The following PKHD1L1 variants were observed in gnomAD, a reference collection of about 807,000 sequenced individuals.
PKHD1L1 encodes the protein fibrocystin-L.
In PKHD1L1, 434 loss-of-function variants were observed where a neutral mutation model predicts 462.9. That is an observed-to-expected ratio of 0.94 (90% confidence interval 0.87 to 1.02). The LOEUF (loss-of-function observed/expected upper bound fraction) is 1.02. PKHD1L1 is among the 50% of genes least tolerant of loss of function. The pLI, the probability that PKHD1L1 is intolerant of heterozygous loss-of-function variation, is 0.00. For synonymous variants in PKHD1L1, 1,781 were observed against 1,750.0 expected, an observed-to-expected ratio of 1.02 and a Z score of -0.44; for missense variants, 5,202 against 5,096.1, an observed-to-expected ratio of 1.02 and a Z score of -0.63.
intron 76 of PKHD1L1, among the ~76,000 whole-genome samples, chr8:109,525,752 A>AT (rs1820785073): frequency 6.6e-6 from 1 of 152,192 alleles, no homozygotes; most frequent in East Asian, 1.9e-4. Context: ...AAAAATTCAG[A>AT]TTTTTTAATG....
At chr8:109,389,236 T>G (rs755272369) in intron 8 of PKHD1L1, 84 bp downstream of exon 8, 13 of 1,036,590 alleles carry the variant, frequency 1.3e-5, no homozygotes, top group Middle Eastern at 2.1e-4. Flanking sequence ...ACCTCCCTCC[T>G]CTGCCCTTTT....
At chr8:109,482,389 A>G (rs932615194) in intron 56 of PKHD1L1, among the ~76,000 whole-genome samples, 7 of 151,842 alleles carry the variant, frequency 4.6e-5, no homozygotes, top group Non-Finnish European at 8.8e-5. Flanking sequence ...TGAAGAAAAC[A>G]TATCTGTAAA....
At chr8:109,402,396 C>T (rs13263469) in intron 14 of PKHD1L1, among the ~76,000 whole-genome samples, 1 of 152,162 alleles carries the variant, frequency 6.6e-6, no homozygotes, top group Non-Finnish European at 1.5e-5. Context: ...ACCTAGAATG[C>T]CTCACTCCAT....
At chr8:109,368,491 T>A (rs1001786962) in intron 2 of PKHD1L1, among the ~76,000 whole-genome samples, 2 of 152,244 alleles carry the variant, frequency 1.3e-5, no homozygotes, top group Non-Finnish European at 2.9e-5. Flanking sequence ...TTATAAATAG[T>A]ATAAATTCTA....
At chr8:109,385,232 C>T (rs1586402794) in intron 5 of PKHD1L1, among the ~76,000 whole-genome samples, 1 of 149,146 alleles carries the variant, frequency 6.7e-6, no homozygotes, top group Non-Finnish European at 1.5e-5. Context: ...ATTTCTCTTA[C>T]TTTTTGGTAC....
chr8:109,483,062 CA>C lies in PKHD1L1; in HGVS notation c.9534del (p.Gly3179ValfsTer7), dbSNP rs754284187. ...ACTAAGCTCTCAGAAACTGCATTTG[CA>C]GGTTCCAAAGTCCTGTCTCTGATGG... ...YKTKLSETAF[A>X]GSKVLSLMDA... On this transcript the variant is annotated frameshift_variant, in exon 57 of 78. Coordinates refer to ENST00000378402, the MANE Select transcript of PKHD1L1 (RefSeq NM_177531.6). LOFTEE classifies it high-confidence loss of function. The C allele has an allele frequency of 8.7e-6, 14 of 1,601,828 alleles. No homozygotes were observed. In the African/African-American group the frequency reaches 1.9e-4, roughly 22 times the overall value.
At chr8:109,415,281 C>T (rs529528023) in intron 21 of PKHD1L1, among the ~76,000 whole-genome samples, 4 of 152,170 alleles carry the variant, frequency 2.6e-5, no homozygotes, top group African/African-American at 9.6e-5. Context: ...CCTGGGATTA[C>T]AGGCATGAGA....
chr8:109,421,499 C>A (rs1307981211), intron 23 of PKHD1L1, among the ~76,000 whole-genome samples: 3 of 152,104 alleles, frequency 2.0e-5, no homozygotes, highest in African/African-American at 7.2e-5. Context: ...AATATAATAA[C>A]TGGCCGGGCG....
intron 67 of PKHD1L1, among the ~76,000 whole-genome samples, chr8:109,499,737 A>C: frequency 6.6e-6 from 1 of 152,212 alleles, no homozygotes; most frequent in Non-Finnish European, 1.5e-5. Context: ...TTAGATGAGG[A>C]CTTTCATATT....
Position 109,486,732 on chromosome 8 carries a change from T to C in PKHD1L1, c.9791T>C (p.Val3264Ala). 1 of 1,612,548 alleles carries C rather than the reference T, an allele frequency of 6.2e-7. No individual in the cohort carries two copies. Among genetic ancestry groups the C allele is most frequent in the Non-Finnish European group, 8.5e-7 (1 of 1,178,902 alleles). Reference protein sequence around the residue: ...VGILSRNIKIVGEDYPGWSED... With the variant: ...VGILSRNIKIAGEDYPGWSED... ...ATACTGAGTAGGAACATCAAAATAG[T>C]TGGTGAAGATTACCCCGGTTGGTCT... Residue 3264 changes from valine to alanine, a missense_variant, in exon 59 of 78, where the codon GTT becomes GCT. Coordinates refer to ENST00000378402, the MANE Select transcript of PKHD1L1 (RefSeq NM_177531.6).
At chr8:109,385,179 G>A (rs1055901586) in intron 5 of PKHD1L1, among the ~76,000 whole-genome samples, 1 of 149,744 alleles carries the variant, frequency 6.7e-6, no homozygotes, top group Admixed American at 6.6e-5. Flanking sequence ...TTCAATAATT[G>A]TTATGGTTTT....
intron 30 of PKHD1L1, among the ~76,000 whole-genome samples, chr8:109,437,127 G>A (rs989041068): frequency 9.2e-5 from 14 of 151,996 alleles, no homozygotes; most frequent in Middle Eastern, 3.2e-3. Context: ...TATTGGCCAG[G>A]ATGATCTCAA....
intron 76 of PKHD1L1, among the ~76,000 whole-genome samples, chr8:109,525,396 A>G (rs560686879): frequency 6.6e-6 from 1 of 152,352 alleles, no homozygotes; most frequent in Non-Finnish European, 1.5e-5. Flanking sequence ...TTCAGTTTCT[A>G]TTGCTATGAA....
At chr8:109,513,382 A>G (rs540733338) in intron 71 of PKHD1L1, among the ~76,000 whole-genome samples, 1 of 152,290 alleles carries the variant, frequency 6.6e-6, no homozygotes, top group South Asian at 2.1e-4. Flanking sequence ...CAATGCTGCT[A>G]TTACTTATAT....
Position 109,535,745 on chromosome 8 carries a change from A to G in PKHD1L1, c.*5655A>G, listed in dbSNP as rs1308755737. On this transcript the variant is annotated 3_prime_UTR_variant, in exon 78 of 78. Transcript: ENST00000378402. The stretch of plus-strand genomic sequence containing the variant: ...ACAGCAAAGTAACAAACTGACTTAG[A>G]GGAAGGAAAATAGTAAAATACAAAA... 6.6e-6 allele frequency among the ~76,000 whole-genome samples: 1 copy of G among 152,266 alleles called. No individual in the cohort carries two copies. Among genetic ancestry groups the G allele is most frequent in the Non-Finnish European group, 1.5e-5 (1 of 68,048 alleles).
Position 109,404,543 on chromosome 8 carries a change from C to A in PKHD1L1, c.1374-11C>A. On this transcript the variant is annotated splice_polypyrimidine_tract_variant and intron_variant, in intron 14 of 77. Transcript: ENST00000378402. The stretch of plus-strand genomic sequence containing the variant: ...AAAAAAGTTATATTCATTAGTTACT[C>A]TATTTTCCAGATACTATATTGAAAT... The A allele has an allele frequency of 6.7e-7, 1 of 1,489,736 alleles. No homozygotes were observed. Among genetic ancestry groups the A allele is most frequent in the Non-Finnish European group, 9.0e-7 (1 of 1,111,580 alleles). 92.3% of individuals were successfully genotyped at this position (1,489,736 alleles called of 1,614,324 possible).
At chr8:109,404,322 G>T (rs1023444867) in intron 14 of PKHD1L1, among the ~76,000 whole-genome samples, 1 of 152,022 alleles carries the variant, frequency 6.6e-6, no homozygotes, top group African/African-American at 2.4e-5. Flanking sequence ...TGAATGAATT[G>T]GTTATGAATG....
At position 109,445,146 on chromosome 8, in the gene PKHD1L1, C is replaced by T. The variant is rs746487724; in HGVS notation, c.5277C>T (p.Val1759=). ...PYITGVFPNS[V]IGSVKVLIEG... The stretch of plus-strand genomic sequence containing the variant: ...TAACAGGAGTCTTCCCAAACTCTGT[C>T]ATAGGATCTGTAAAAGTTCTTATTG... The change falls in exon 38 of 78, where the codon GTC becomes GTT. Residue 1759 remains valine (V), a synonymous_variant. Coordinates refer to ENST00000378402, the MANE Select transcript of PKHD1L1 (RefSeq NM_177531.6). 4.3e-6 allele frequency: 7 copies of T among 1,613,812 alleles called. No individual in the cohort carries two copies. The African/African-American group carries it at 8.0e-5, about 18-fold the overall frequency.
At chr8:109,398,808 G>A (rs1205401279) in intron 12 of PKHD1L1, among the ~76,000 whole-genome samples, 1 of 152,016 alleles carries the variant, frequency 6.6e-6, no homozygotes, top group Non-Finnish European at 1.5e-5. Flanking sequence ...TACTGACAGA[G>A]TTTAATTATG....
Sources: allele counts gnomAD v4.1 joint callset (sites outside exome capture counted in the v4.1 genomes callset), GRCh38; gene constraint gnomAD v4.1.1; transcripts MANE v1.5; gene names NCBI Gene and HGNC (gene_info 2026-07-23, HGNC 2026-07-21).